Variants in EDNRB observed in about 807,000 individuals in gnomAD.
EDNRB encodes the protein Hirschsprung disease 2.
EDNRB carries 18 observed loss-of-function variants against 46.4 expected under a neutral mutation model. That is an observed-to-expected ratio of 0.39 (90% CI 0.27 to 0.57). The LOEUF is 0.57. Among genes scored for constraint, EDNRB ranks in the 20% least tolerant of loss-of-function variants. The probability of loss-of-function intolerance (pLI) is 0.61; values close to 1 mark genes in which losing one functional copy is unlikely to be tolerated. For synonymous variants in EDNRB, 213 were observed against 204.9 expected, an observed-to-expected ratio of 1.04 and a Z score of -0.34; for missense variants, 434 against 537.5, an observed-to-expected ratio of 0.81 and a Z score of 1.90.
intron 1 of EDNRB, among the ~76,000 whole-genome samples, chr13:77,963,810 A>C (rs1391465264): frequency 1.3e-5 from 2 of 152,242 alleles, no homozygotes; most frequent in Non-Finnish European, 2.9e-5. Context: ...CAGCAAAAGA[A>C]ACTACCATCA....
At chr13:77,974,409 G>A (rs1003830767) in intron 1 of EDNRB, among the ~76,000 whole-genome samples, 3 of 152,120 alleles carry the variant, frequency 2.0e-5, no homozygotes, top group Non-Finnish European at 4.4e-5. Flanking sequence ...TTTTTGATAG[G>A]AAGGCCTCAG....
chr13:77,947,216 C>T (rs993174872), intron 1 of EDNRB, among the ~76,000 whole-genome samples: 1 of 151,754 alleles, frequency 6.6e-6, no homozygotes, highest in Admixed American at 6.6e-5. Flanking sequence ...ATTTTATTGG[C>T]ACTGTTTTTG....
chr13:77,961,742 CA>C (rs1401833503), intron 1 of EDNRB, among the ~76,000 whole-genome samples: 1 of 152,116 alleles, frequency 6.6e-6, no homozygotes, highest in Non-Finnish European at 1.5e-5. Context: ...AGAGCAAACA[CA>C]TTCAAAAGCT....
At chr13:77,924,421 A>T (rs1213724496), upstream of EDNRB, among the ~76,000 whole-genome samples, 1 of 152,202 alleles carries the variant, frequency 6.6e-6, no homozygotes, top group African/African-American at 2.4e-5. Context: ...CAAAGCTGGC[A>T]TTTGAGGGGG....
intron 1 of EDNRB, among the ~76,000 whole-genome samples, chr13:77,961,438 C>A (rs1264033182): frequency 6.6e-6 from 1 of 152,210 alleles, no homozygotes; most frequent in Admixed American, 6.5e-5. Context: ...GTCTCTCAGA[C>A]TACAGTGCAA....
In EDNRB at chr13:77,945,901, A is replaced by AAAAAC. The variant is rs1391892820; in HGVS notation, c.-51-27278_-51-27277insGTTTT. 3.1e-3 allele frequency among the ~76,000 whole-genome samples: 463 copies of AAAAAC among 150,468 alleles called. 3 individuals are homozygous for AAAAAC. The highest frequency in any genetic ancestry group is 4.8e-3 in the Non-Finnish European group (321 of 67,430). On this transcript the variant is annotated intron_variant, in intron 1 of 7. Coordinates refer to the EDNRB transcript ENST00000646948. ...CAAAAAAAAAAAAAAAAACAAAAAA[A>AAAAAC]ACACACAATCCGAAGAGACAAAGCA...
chr13:77,937,373 G>C (rs541134324), intron 1 of EDNRB, among the ~76,000 whole-genome samples: 28 of 152,204 alleles, frequency 1.8e-4, no homozygotes, highest in African/African-American at 6.8e-4. Flanking sequence ...GGTTATCAGC[G>C]TGAGATTGGG....
At position 77,896,455 on chromosome 13, in the gene EDNRB, C is replaced by T; in HGVS notation, c.*1745G>A. 4 of 1,567,712 alleles carry T rather than the reference C, an allele frequency of 2.6e-6. No individual in the cohort carries two copies. The highest frequency in any genetic ancestry group is 4.6e-5 in the East Asian group (2 of 43,442). ...ATGGTGTGTGAATTAATTATTATTG[C>T]TCTTTCTTTCTGGCCACATTGTTGG... On this transcript the variant is annotated 3_prime_UTR_variant, in exon 7 of 7. Coordinates refer to ENST00000646607, the MANE Select transcript of EDNRB (RefSeq NM_001122659.3).
At chr13:77,963,583 C>G (rs1453767946) in intron 1 of EDNRB, among the ~76,000 whole-genome samples, 2 of 152,134 alleles carry the variant, frequency 1.3e-5, no homozygotes, top group Non-Finnish European at 2.9e-5. Flanking sequence ...AAAGCTGAAA[C>G]TGGATCCCTT....
intron 1 of EDNRB, among the ~76,000 whole-genome samples, chr13:77,961,994 A>C (rs1244740685): frequency 3.3e-5 from 5 of 152,220 alleles, no homozygotes; most frequent in African/African-American, 1.2e-4. Context: ...AGAGAATACT[A>C]TAAACACCTC....
At chr13:77,904,130 T>G (rs371815296) in intron 1 of EDNRB, among the ~76,000 whole-genome samples, 7 of 151,940 alleles carry the variant, frequency 4.6e-5, no homozygotes, top group Non-Finnish European at 8.8e-5. Context: ...AGCTACACAG[T>G]TGCTCAAACA....
chr13:77,903,762 T>A (rs3027108), intron 1 of EDNRB, among the ~76,000 whole-genome samples, 155 bp from the exon 2 acceptor site: 7 of 151,906 alleles, frequency 4.6e-5, no homozygotes, highest in Non-Finnish European at 7.4e-5. Context: ...CACCATTGTT[T>A]GATATATGTA....
At chr13:77,960,660 A>G (rs1881380778) in intron 1 of EDNRB, among the ~76,000 whole-genome samples, 1 of 152,152 alleles carries the variant, frequency 6.6e-6, no homozygotes, top group African/African-American at 2.4e-5. Flanking sequence ...TATCATCATA[A>G]TTGGCAGGAT....
At chr13:77,939,408 G>A (rs897960618) in intron 1 of EDNRB, 1 of 152,194 alleles carries the variant, frequency 6.6e-6, no homozygotes, top group Non-Finnish European at 1.5e-5. Context: ...CCTAAATTTG[G>A]CACTTTAAAC....
At chr13:77,909,348 G>A (rs906149949) in intron 1 of EDNRB, among the ~76,000 whole-genome samples, 2 of 151,794 alleles carry the variant, frequency 1.3e-5, no homozygotes, top group African/African-American at 4.8e-5. Flanking sequence ...CTTATTTGAG[G>A]GTTTTGTGAA....
chr13:77,965,367 A>T (rs940352317), intron 1 of EDNRB, among the ~76,000 whole-genome samples: 8 of 152,320 alleles, frequency 5.3e-5, no homozygotes, highest in South Asian at 2.1e-4. Context: ...TGAATCAATT[A>T]TTACTTGAGA....
chr13:77,906,071 T>G (rs1011852615), intron 1 of EDNRB, among the ~76,000 whole-genome samples: 11 of 151,958 alleles, frequency 7.2e-5, no homozygotes, highest in African/African-American at 2.7e-4. Flanking sequence ...GCCCTGAGGC[T>G]GTGAAGAGCG....
At chr13:77,927,258 A>T (rs1422120858) in intron 1 of EDNRB, among the ~76,000 whole-genome samples, 1 of 152,198 alleles carries the variant, frequency 6.6e-6, no homozygotes, top group African/African-American at 2.4e-5. Context: ...CTAGATCTAG[A>T]TGCTTGAGTA....
At chr13:77,941,996 C>A (rs1880762456) in intron 1 of EDNRB, among the ~76,000 whole-genome samples, 1 of 152,190 alleles carries the variant, frequency 6.6e-6, no homozygotes, top group Non-Finnish European at 1.5e-5. Context: ...CTGCAACCAG[C>A]TATGCTGACC....
Sources: gnomAD v4.1 joint callset for allele counts (sites outside exome capture counted in the v4.1 genomes callset) on GRCh38, gnomAD v4.1.1 for gene constraint, MANE v1.5 for transcripts, NCBI Gene and HGNC (gene_info 2026-07-23, HGNC 2026-07-21) for gene names.